FGD5: variants seen among roughly 807,000 people sequenced by gnomAD.
FGD5 encodes FYVE, RhoGEF and PH domain-containing protein 5.
A neutral mutation model predicts 133.4 loss-of-function variants in FGD5; 28 were observed. The ratio of observed to expected loss-of-function variants is 0.21; its 90% CI spans 0.16 to 0.29. The LOEUF is 0.29. Among genes scored for constraint, FGD5 ranks in the 10% least tolerant of loss-of-function variants. The probability of loss-of-function intolerance (pLI) is 1.00; values close to 1 mark genes in which losing one functional copy is unlikely to be tolerated. For synonymous variants in FGD5, 810 were observed against 776.5 expected, an observed-to-expected ratio of 1.04 and a Z score of -0.72; for missense variants, 1,858 against 1,895.2, an observed-to-expected ratio of 0.98 and a Z score of 0.36.
intron 1 of FGD5, among the ~76,000 whole-genome samples, chr3:14,861,646 A>G (rs1244158070): frequency 6.6e-6 from 1 of 152,010 alleles, no homozygotes; most frequent in African/African-American, 2.4e-5. Context: ...TCTCCCCTGT[A>G]TCACCCATGG....
At chr3:14,910,194 A>T (rs1315029446) in intron 10 of FGD5, among the ~76,000 whole-genome samples, 2 of 152,344 alleles carry the variant, frequency 1.3e-5, no homozygotes, top group Middle Eastern at 6.8e-3. Context: ...GCAGAATGTA[A>T]TACAGAGCAT....
chr3:14,819,553 C>G lies in FGD5; in HGVS notation c.482C>G (p.Ser161Cys). 1 of 1,551,146 alleles carries G rather than the reference C, an allele frequency of 6.4e-7. No homozygotes were observed. Among genetic ancestry groups the G allele is most frequent in the Non-Finnish European group, 8.7e-7 (1 of 1,146,862 alleles). The change falls in exon 1 of 20, where the codon TCC becomes TGC. Residue 161 changes from serine to cysteine, a missense_variant. Transcript: ENST00000285046. The surrounding 1 kb of genome is among the most constrained non-coding windows in gnomAD (Gnocchi z 4.1). Reference protein sequence around the residue: ...ADEPGTLEQVSRSEEEEKLVQ... With the variant: ...ADEPGTLEQVCRSEEEEKLVQ... Reference sequence around the variant, plus strand: ...GAGCCAGGGACACTGGAGCAGGTGTCCAGAAGTGAGGAGGAAGAGAAGCTA... The same window carrying G: ...GAGCCAGGGACACTGGAGCAGGTGTGCAGAAGTGAGGAGGAAGAGAAGCTA...
At chr3:14,827,285 T>TC (rs35926646) in intron 1 of FGD5, among the ~76,000 whole-genome samples, 6,611 of 129,058 alleles carry the variant, frequency 0.051, 228 homozygotes, top group Non-Finnish European at 0.062. Context: ...GGTATTCTTT[T>TC]TTTTTTTTTT....
intron 1 of FGD5, among the ~76,000 whole-genome samples, chr3:14,813,658 C>T (rs538186635): frequency 6.6e-6 from 1 of 152,050 alleles, no homozygotes; most frequent in Non-Finnish European, 1.5e-5. Context: ...TGACTGGTCC[C>T]GTCCCCTCAC....
chr3:14,856,535 T>C (rs2037281894), intron 1 of FGD5, among the ~76,000 whole-genome samples: 1 of 152,202 alleles, frequency 6.6e-6, no homozygotes, highest in Non-Finnish European at 1.5e-5. Context: ...GGTATCCTCT[T>C]TGATTTTTTT....
At chr3:14,908,729 A>G (rs1419031057) in intron 10 of FGD5, among the ~76,000 whole-genome samples, 1 of 151,464 alleles carries the variant, frequency 6.6e-6, no homozygotes, top group Non-Finnish European at 1.5e-5. Flanking sequence ...TACTAAAAAT[A>G]CAAAAAATTA....
At chr3:14,881,169 C>T (rs1425004958) in intron 4 of FGD5, among the ~76,000 whole-genome samples, 3 of 152,080 alleles carry the variant, frequency 2.0e-5, no homozygotes, top group African/African-American at 7.2e-5. Flanking sequence ...AGGTGTCTGC[C>T]TGGTGACAGA....
chr3:14,813,018 A>G (rs2036316431), intron 1 of FGD5, among the ~76,000 whole-genome samples: 1 of 152,142 alleles, frequency 6.6e-6, no homozygotes, highest in Non-Finnish European at 1.5e-5. Flanking sequence ...TTTTATGGTC[A>G]CTGGCTTATT....
In FGD5 at chr3:14,922,285, C is replaced by CA. The variant is rs1465547038; in HGVS notation, c.3670-125dup. On this transcript the variant is annotated intron_variant, in intron 14 of 19. Coordinates refer to ENST00000285046, the MANE Select transcript of FGD5 (RefSeq NM_152536.4). The surrounding 1 kb of genome is among the most constrained non-coding windows in gnomAD (Gnocchi z 4.1). ...TGGAGGGTGCAGGAGAGGCCTTTCA[C>CA]ATCAGACCCACTCACCCACACATCA... The CA allele has an allele frequency of 1.5e-6, 2 of 1,378,942 alleles. No homozygotes were observed. The highest frequency in any genetic ancestry group is 2.9e-5 in the African/African-American group (2 of 69,842). 85.4% of individuals were successfully genotyped at this position (1,378,942 alleles called of 1,614,324 possible). A position where few individuals can be genotyped will look rare whatever the true frequency, so the allele number is the denominator to read the frequency against.
At chr3:14,844,213 AAAAAATATATAT>A (rs1282538013) in intron 1 of FGD5, among the ~76,000 whole-genome samples, 5 of 32,638 alleles carry the variant, frequency 1.5e-4, no homozygotes, top group South Asian at 9.9e-4. Flanking sequence ...TTAAAAAAAA[AAAAAATATATAT>A]ATATATATAT....
Position 14,820,042 on chromosome 3 carries a change from G to T in FGD5, c.971G>T (p.Ser324Ile). Reference sequence around the variant, plus strand: ...GCACAGGATGAGTCCGCCGAGGAGAGCTGCCAGATTGTCCCTTTTGAGAAT... The same window carrying T: ...GCACAGGATGAGTCCGCCGAGGAGATCTGCCAGATTGTCCCTTTTGAGAAT... ...DHAQDESAEE[S>I]CQIVPFENDC... The change falls in exon 1 of 20, where the codon AGC (serine) becomes ATC (isoleucine). Residue 324 changes from serine to isoleucine, a missense_variant. Ser to Ile is a moderately radical substitution (Grantham distance 142). Coordinates refer to ENST00000285046, the MANE Select transcript of FGD5 (RefSeq NM_152536.4). 6.2e-7 allele frequency: 1 copy of T among 1,614,040 alleles called. No homozygotes were observed. Among genetic ancestry groups the T allele is most frequent in the South Asian group, 1.1e-5 (1 of 91,088 alleles).
intron 4 of FGD5, among the ~76,000 whole-genome samples, chr3:14,888,363 G>A (rs1226149306): frequency 6.6e-6 from 1 of 152,092 alleles, no homozygotes. Flanking sequence ...AAACATACAG[G>A]ATACGTGAAT....
chr3:14,839,890 G>A (rs912022650), intron 1 of FGD5, among the ~76,000 whole-genome samples: 1 of 151,910 alleles, frequency 6.6e-6, no homozygotes, highest in Non-Finnish European at 1.5e-5. Flanking sequence ...TCGAGATCGC[G>A]CCACTGCATT....
At chr3:14,898,660 G>T (rs2038181682) in intron 6 of FGD5, 79 bp from the exon 7 acceptor site, 1 of 1,157,974 alleles carries the variant, frequency 8.6e-7, no homozygotes, top group Admixed American at 2.0e-5. Context: ...GGATGGGACA[G>T]TGTATATGGG....
At position 14,922,205 on chromosome 3, in the gene FGD5, C is replaced by A; in HGVS notation, c.3669+188C>A. On this transcript the variant is annotated intron_variant, in intron 14 of 19. Coordinates refer to ENST00000285046, the MANE Select transcript of FGD5 (RefSeq NM_152536.4). The surrounding 1 kb of genome is among the most constrained non-coding windows in gnomAD (Gnocchi z 4.1). Reference sequence around the variant, plus strand: ...GCCTCCGTGTAACCTAGGAGCCCAGCACCCACAGTCTTGTTCTCACAGTCT... The same window carrying A: ...GCCTCCGTGTAACCTAGGAGCCCAGAACCCACAGTCTTGTTCTCACAGTCT... 1 of 974,918 alleles carries A rather than the reference C, an allele frequency of 1.0e-6. No homozygotes were observed. Among genetic ancestry groups the A allele is most frequent in the East Asian group, 2.6e-5 (1 of 38,142 alleles). 60.4% of individuals were successfully genotyped at this position (974,918 alleles called of 1,614,324 possible).
chr3:14,844,746 T>C (rs1575203830), intron 1 of FGD5, among the ~76,000 whole-genome samples: 2 of 152,178 alleles, frequency 1.3e-5, no homozygotes, highest in African/African-American at 4.8e-5. Context: ...TCCTATCTCA[T>C]AGACTTGTTA....
At chr3:14,855,126 G>C (rs1313096952) in intron 1 of FGD5, among the ~76,000 whole-genome samples, 1 of 152,052 alleles carries the variant, frequency 6.6e-6, no homozygotes, top group Non-Finnish European at 1.5e-5. Context: ...TTAACTTTCT[G>C]TTCCTCGCTT....
intron 1 of FGD5, among the ~76,000 whole-genome samples, chr3:14,836,744 A>G (rs918023198): frequency 1.3e-5 from 2 of 152,128 alleles, no homozygotes; most frequent in Non-Finnish European, 2.9e-5. Flanking sequence ...GAGAGATGGG[A>G]GAGGCAGACC....
chr3:14,901,627 A>G (rs568685437), intron 9 of FGD5, among the ~76,000 whole-genome samples: 19 of 152,296 alleles, frequency 1.2e-4, no homozygotes, highest in Non-Finnish European at 1.9e-4. Flanking sequence ...TGTGTTGACA[A>G]TGGTTCCAAG....
Sources: gnomAD v4.1 joint callset for allele counts (sites outside exome capture counted in the v4.1 genomes callset) on GRCh38, gnomAD v4.1.1 for gene constraint, Gnocchi (gnomAD v3.1) non-coding constraint, MANE v1.5 for transcripts, NCBI Gene and HGNC (gene_info 2026-07-23, HGNC 2026-07-21) for gene names.